The following HS3ST4 variants were observed in gnomAD, a reference collection of about 807,000 sequenced individuals.
HS3ST4 encodes the protein heparan sulfate-glucosamine 3-sulfotransferase 4.
In HS3ST4, 17 loss-of-function variants were observed where a neutral mutation model predicts 29.2. The ratio of observed to expected loss-of-function variants is 0.58; its 90% CI spans 0.40 to 0.87. The LOEUF is 0.87. HS3ST4 is among the 40% of genes least tolerant of loss of function. The pLI is 0.00. For missense variants in HS3ST4, 627 were observed against 634.5 expected (o/e 0.99, Z 0.13); for synonymous variants, 314 against 285.7 (o/e 1.10, Z -1.00).
intron 1 of HS3ST4, among the ~76,000 whole-genome samples, chr16:25,947,663 G>A (rs577166958): frequency 3.0e-4 from 46 of 152,288 alleles, no homozygotes; most frequent in Non-Finnish European, 4.9e-4. Context: ...AGCAAGCCCA[G>A]TGTCAGTGCA....
intron 1 of HS3ST4, among the ~76,000 whole-genome samples, chr16:25,854,921 A>G (rs767242119): frequency 1.3e-5 from 2 of 152,206 alleles, no homozygotes; most frequent in Admixed American, 6.5e-5. Context: ...GGCCTGGGGA[A>G]CAATCTCAGG....
intron 1 of HS3ST4, among the ~76,000 whole-genome samples, chr16:26,094,494 A>G (rs1189178211): frequency 1.3e-5 from 2 of 152,194 alleles, no homozygotes; most frequent in Non-Finnish European, 2.9e-5. Context: ...TCAACCCAGA[A>G]TTTCATATCC....
At chr16:26,127,817 T>A (rs952830745) in intron 1 of HS3ST4, among the ~76,000 whole-genome samples, 4 of 152,192 alleles carry the variant, frequency 2.6e-5, no homozygotes, top group Non-Finnish European at 4.4e-5. Flanking sequence ...AACCTTCTCA[T>A]CCTAAAACAT....
At chr16:26,095,512 G>A (rs975802798) in intron 1 of HS3ST4, among the ~76,000 whole-genome samples, 3 of 152,182 alleles carry the variant, frequency 2.0e-5, no homozygotes, top group African/African-American at 7.2e-5. Flanking sequence ...GCTCCTGAAT[G>A]ACTACTGGGT....
chr16:25,837,745 C>T (rs958777504), intron 1 of HS3ST4, among the ~76,000 whole-genome samples: 4 of 152,006 alleles, frequency 2.6e-5, no homozygotes, highest in African/African-American at 9.7e-5. Context: ...ATATTAAATA[C>T]TTCTCTTGGG....
chr16:25,797,380 C>G (rs1019594416), intron 1 of HS3ST4, among the ~76,000 whole-genome samples: 2 of 152,092 alleles, frequency 1.3e-5, no homozygotes, highest in Non-Finnish European at 2.9e-5. Context: ...TATGACATGG[C>G]GTTTTGCAAG....
At chr16:25,842,308 C>T (rs1244142627) in intron 1 of HS3ST4, among the ~76,000 whole-genome samples, 1 of 152,228 alleles carries the variant, frequency 6.6e-6, no homozygotes, top group East Asian at 1.9e-4. Context: ...CTAAGAATTT[C>T]ACATGGAAAG....
intron 1 of HS3ST4, among the ~76,000 whole-genome samples, chr16:25,860,744 G>A (rs1455675096): frequency 6.6e-6 from 1 of 152,230 alleles, no homozygotes; most frequent in East Asian, 1.9e-4. Flanking sequence ...GGAGCACAGG[G>A]TATTTTTAGG....
At chr16:25,984,933 C>G (rs1346655391) in intron 1 of HS3ST4, among the ~76,000 whole-genome samples, 2 of 152,222 alleles carry the variant, frequency 1.3e-5, no homozygotes, top group East Asian at 3.8e-4. Flanking sequence ...GCAAACTCCT[C>G]TAACCTCTTG....
At chr16:25,775,579 A>G (rs77474878) in intron 1 of HS3ST4, among the ~76,000 whole-genome samples, 1 of 152,092 alleles carries the variant, frequency 6.6e-6, no homozygotes, top group Non-Finnish European at 1.5e-5. Flanking sequence ...CACCACATGC[A>G]CCTCGTAATC....
At chr16:25,829,845 T>C (rs980055244) in intron 1 of HS3ST4, among the ~76,000 whole-genome samples, 2 of 152,176 alleles carry the variant, frequency 1.3e-5, no homozygotes, top group Non-Finnish European at 1.5e-5. Flanking sequence ...TGTTTTTGAG[T>C]TGGAGTCTTG....
At chr16:25,967,767 G>A (rs1194664053) in intron 1 of HS3ST4, among the ~76,000 whole-genome samples, 1 of 152,200 alleles carries the variant, frequency 6.6e-6, no homozygotes, top group Non-Finnish European at 1.5e-5. Context: ...TGGTGGAGCT[G>A]GAACCTCTGG....
rs894137767 is a variant in HS3ST4, at chr16:25,837,764, C to T, written c.734+144613C>T. Reference sequence around the variant, plus strand: ...TAAATACTTCTCTTGGGACTTAAATCGTCACTTTATTTATTTATTTTTTTA... The same window carrying T: ...TAAATACTTCTCTTGGGACTTAAATTGTCACTTTATTTATTTATTTTTTTA... On this transcript the variant is annotated intron_variant, in intron 1 of 1. Transcript: ENST00000331351. Among the ~76,000 whole-genome samples, 5 of 151,928 alleles carry T rather than the reference C, an allele frequency of 3.3e-5. No individual in the cohort carries two copies. The East Asian group carries it at 5.8e-4, about 18-fold the overall frequency.
At chr16:26,001,038 A>G (rs769198270) in intron 1 of HS3ST4, among the ~76,000 whole-genome samples, 8 of 152,216 alleles carry the variant, frequency 5.3e-5, no homozygotes, top group Non-Finnish European at 1.2e-4. Flanking sequence ...CTGATTCTCA[A>G]TGGATCCTGT....
intron 1 of HS3ST4, among the ~76,000 whole-genome samples, chr16:26,025,480 A>G (rs1469278573): frequency 6.6e-6 from 1 of 152,212 alleles, no homozygotes; most frequent in African/African-American, 2.4e-5. Context: ...AAAGCCAGCA[A>G]TCCCAGAAAC....
intron 1 of HS3ST4, among the ~76,000 whole-genome samples, chr16:25,903,948 A>G (rs1342168757): frequency 6.6e-6 from 1 of 152,346 alleles, no homozygotes; most frequent in South Asian, 2.1e-4. Context: ...AATGTACTAC[A>G]GCTTAATAAA....
At chr16:25,981,993 C>T (rs946719269) in intron 1 of HS3ST4, among the ~76,000 whole-genome samples, 15 of 152,134 alleles carry the variant, frequency 9.9e-5, no homozygotes, top group East Asian at 1.9e-4. Flanking sequence ...ATTGTGCATG[C>T]GTGTGCAGCA....
intron 1 of HS3ST4, among the ~76,000 whole-genome samples, chr16:25,815,216 T>A (rs1243967899): frequency 1.3e-5 from 2 of 152,198 alleles, no homozygotes; most frequent in Non-Finnish European, 2.9e-5. Flanking sequence ...GTCACTTCTT[T>A]GCTTAATCTC....
chr16:25,798,932 G>A (rs1966906244), intron 1 of HS3ST4, among the ~76,000 whole-genome samples: 1 of 152,152 alleles, frequency 6.6e-6, no homozygotes, highest in Non-Finnish European at 1.5e-5. Context: ...GGTTACCATT[G>A]TTGGCAGTGA....
Sources: allele counts gnomAD v4.1 joint callset (sites outside exome capture counted in the v4.1 genomes callset), GRCh38; gene constraint gnomAD v4.1.1; transcripts MANE v1.5; gene names NCBI Gene and HGNC (gene_info 2026-07-23, HGNC 2026-07-21).